DERL3: variants seen among roughly 807,000 people sequenced by gnomAD.
DERL3 encodes derlin-3.
In DERL3, 20 loss-of-function variants were observed where a neutral mutation model predicts 23.8. That is an observed-to-expected ratio of 0.84 (90% CI 0.59 to 1.22). The LOEUF (loss-of-function observed/expected upper bound fraction) is 1.22, where lower values mean the gene tolerates loss of function less well. Among genes scored for constraint, DERL3 ranks in the 50% most tolerant of loss-of-function variants. DERL3 has a pLI of 0.00. For synonymous variants in DERL3, 145 were observed against 132.5 expected (o/e 1.09, Z -0.65); for missense variants, 319 against 304.1 (o/e 1.05, Z -0.36).
In DERL3 at chr22:23,837,143, C is replaced by T; in HGVS notation, c.535G>A (p.Gly179Ser). Reference protein sequence around the residue: ...ILVDLLGIAVGHIYYFLEDVF... With the variant: ...ILVDLLGIAVSHIYYFLEDVF... ...TCCTCCAGGAAGTAGTAGATATGGC[C>T]CACCGCAATCCCTGTGAGACAGCCA... is the stretch of plus-strand genomic sequence containing the variant. Residue 179 changes from glycine to serine, a missense_variant, in exon 6 of 7, where the codon GGC (glycine) becomes AGC (serine). Coordinates refer to ENST00000318109, the MANE Select transcript of DERL3 (RefSeq NM_001002862.3). The T allele has an allele frequency of 6.2e-7, 1 of 1,613,932 alleles. No homozygotes were observed. Among genetic ancestry groups the T allele is most frequent in the Non-Finnish European group, 8.5e-7 (1 of 1,179,918 alleles).
chr22:23,834,679 G>T lies in DERL3; in HGVS notation c.*2190C>A, dbSNP rs2030892864. ...AAGTGGGCAGGTGGGGGTGAATGGG[G>T]CTCCGGGTAGCACCTCAGCTCCTCT... On this transcript the variant is annotated 3_prime_UTR_variant, in exon 7 of 7. Transcript: ENST00000318109. 2 of 1,171,550 alleles carry T rather than the reference G, an allele frequency of 1.7e-6. No individual in the cohort carries two copies. Among genetic ancestry groups the T allele is most frequent in the Non-Finnish European group, 2.4e-6 (2 of 844,494 alleles). 72.6% of individuals were successfully genotyped at this position (1,171,550 alleles called of 1,614,324 possible). A position where few individuals can be genotyped will look rare whatever the true frequency, so the allele number is the denominator to read the frequency against.
chr22:23,837,540 G>A (rs2031175646), intron 5 of DERL3, 119 bp downstream of exon 5: 11 of 1,075,748 alleles, frequency 1.0e-5, no homozygotes, highest in Non-Finnish European at 1.5e-5. Flanking sequence ...GGAAGATGGG[G>A]ATGGAGCCAG....
Position 23,835,291 on chromosome 22 carries a change from C to T in DERL3, c.*1578G>A, listed in dbSNP as rs542732708. ...AGGATCTGGGAGGGCAGCAAACTGG[C>T]TCGCAGCTCCAGCCTTACTGAAGAG... On this transcript the variant is annotated 3_prime_UTR_variant, in exon 7 of 7. Coordinates refer to ENST00000318109, the MANE Select transcript of DERL3 (RefSeq NM_001002862.3). 507 of 1,055,554 alleles carry T rather than the reference C, an allele frequency of 4.8e-4. 5 individuals are homozygous for T. In the African/African-American group the frequency reaches 7.8e-3, roughly 16 times the overall value. The allele number at this position is 1,055,554 out of a possible 1,614,324, so 65.4% of individuals were successfully genotyped here.
rs1220530907 is a variant in DERL3, at chr22:23,837,999, A to G, written c.328-145T>C. 6 of 1,242,086 alleles carry G rather than the reference A, an allele frequency of 4.8e-6. No individual in the cohort carries two copies. In the East Asian group the frequency reaches 7.7e-5, roughly 16 times the overall value. 76.9% of individuals were successfully genotyped at this position (1,242,086 alleles called of 1,614,324 possible). ...TGAGCCAGTCCAATAAAGGCGACACACTCCACGGGCTTCAGGTCCCACGAA... is the reference window on the plus strand; with the variant it reads ...TGAGCCAGTCCAATAAAGGCGACACGCTCCACGGGCTTCAGGTCCCACGAA... On this transcript the variant is annotated intron_variant, in intron 4 of 6. Coordinates refer to ENST00000318109, the MANE Select transcript of DERL3 (RefSeq NM_001002862.3).
intron 1 of DERL3, 27 bp downstream of exon 1, chr22:23,838,868 C>A: frequency 6.4e-7 from 1 of 1,551,234 alleles, no homozygotes; most frequent in Non-Finnish European, 8.7e-7. Flanking sequence ...GTAACCAAGG[C>A]GACGTCCGGT....
At chr22:23,838,110 G>C (rs2031250090) in intron 4 of DERL3, 1 of 1,512,526 alleles carries the variant, frequency 6.6e-7, no homozygotes, top group Non-Finnish European at 8.8e-7. Flanking sequence ...TCGCATTCAG[G>C]GCTCAGCTAG....
Position 23,835,510 on chromosome 22 carries a change from A to G in DERL3, c.*1359T>C, listed in dbSNP as rs28679281. On this transcript the variant is annotated 3_prime_UTR_variant, in exon 7 of 7. Coordinates refer to ENST00000318109, the MANE Select transcript of DERL3 (RefSeq NM_001002862.3). ...TTCTTGGTCGCTGAGATGTGAGAGG[A>G]GGGCTCCTTTGAGCACATGTTAGCA... 0.12 allele frequency: 118,395 copies of G among 985,368 alleles called. 7,415 individuals are homozygous for G. Among genetic ancestry groups the G allele is most frequent in the South Asian group, 0.27 (5,753 of 21,250 alleles). The allele number at this position is 985,368 out of a possible 1,614,324, so 61.0% of individuals were successfully genotyped here.
intron 5 of DERL3, chr22:23,837,357 G>C (rs2031151807): frequency 7.0e-6 from 5 of 714,450 alleles, no homozygotes; most frequent in Non-Finnish European, 1.2e-5. Flanking sequence ...AGGACCCAGG[G>C]AGGGGAGGGC....
chr22:23,838,723 G>T lies in DERL3; in HGVS notation c.147C>A (p.Phe49Leu). The change falls in exon 2 of 7, where the codon TTC (phenylalanine) becomes TTA (leucine). Residue 49 changes from phenylalanine (F) to leucine (L), a missense_variant. Phe to Leu is a conservative substitution (Grantham distance 22, BLOSUM62 0). Transcript: ENST00000318109. ...FQLYFNPHLV[F>L]RKFQVWRLVT... ...GGGGCGGCCTCACCTGGAACTTCCG[G>T]AACACAAGGTGCGGGTTGAAGTAGA... is the stretch of plus-strand genomic sequence containing the variant. 6 of 1,550,808 alleles carry T rather than the reference G, an allele frequency of 3.9e-6. No individual in the cohort carries two copies. The highest frequency in any genetic ancestry group is 5.2e-6 in the Non-Finnish European group (6 of 1,146,696).
At position 23,836,549 on chromosome 22, in the gene DERL3, TCTGCCTGGCAACCTGTGAGCTCAAAG is replaced by T; in HGVS notation, c.*294_*319del. On this transcript the variant is annotated 3_prime_UTR_variant, in exon 7 of 7. Transcript: ENST00000318109. ...GCCTGTCACCTGTGAGCTCAAAAGCTCTGCCTGGCAACCTGTGAGCTCAAAGCTCTGCCAGGCAACCATGGGCAGTT... is the reference window on the plus strand; with the variant it reads ...GCCTGTCACCTGTGAGCTCAAAAGCTCTCTGCCAGGCAACCATGGGCAGTT... 2 of 1,072,642 alleles carry T rather than the reference TCTGCCTGGCAACCTGTGAGCTCAAAG, an allele frequency of 1.9e-6. No individual in the cohort carries two copies. Among genetic ancestry groups the T allele is most frequent in the Admixed American group, 5.4e-5 (1 of 18,498 alleles). 66.4% of individuals were successfully genotyped at this position (1,072,642 alleles called of 1,614,324 possible).
At position 23,838,879 on chromosome 22, in the gene DERL3, C is replaced by T; in HGVS notation, c.93+16G>A. 1 of 1,554,214 alleles carries T rather than the reference C, an allele frequency of 6.4e-7. No homozygotes were observed. Among genetic ancestry groups the T allele is most frequent in the Non-Finnish European group, 8.7e-7 (1 of 1,148,634 alleles). On this transcript the variant is annotated intron_variant, in intron 1 of 6. Coordinates refer to ENST00000318109, the MANE Select transcript of DERL3 (RefSeq NM_001002862.3). ...GGCTGTAACCAAGGCGACGTCCGGTCCGCCCGGCCGCTTACCACCGCGGCG... is the reference window on the plus strand; with the variant it reads ...GGCTGTAACCAAGGCGACGTCCGGTTCGCCCGGCCGCTTACCACCGCGGCG...
At chr22:23,838,001 TC>T in intron 4 of DERL3, 147 bp from the exon 5 acceptor site, 1 of 1,245,246 alleles carries the variant, frequency 8.0e-7, no homozygotes, top group Non-Finnish European at 1.1e-6. Flanking sequence ...GGCGACACAC[TC>T]CACGGGCTTC....
chr22:23,837,985 A>G (rs2031238007), intron 4 of DERL3, 131 bp from the exon 5 acceptor site: 12 of 1,244,436 alleles, frequency 9.6e-6, no homozygotes, highest in Middle Eastern at 2.6e-4. Context: ...GAGCCAGTCC[A>G]ATAAAGGCGA....
Position 23,835,459 on chromosome 22 carries a change from G to A in DERL3, c.*1410C>T, listed in dbSNP as rs1601450848. The A allele has an allele frequency of 1.0e-6, 1 of 986,022 alleles. No homozygotes were observed. The highest frequency in any genetic ancestry group is 1.2e-6 in the Non-Finnish European group (1 of 830,370). 61.1% of individuals were successfully genotyped at this position (986,022 alleles called of 1,614,324 possible). A position where few individuals can be genotyped will look rare whatever the true frequency, so the allele number is the denominator to read the frequency against. On this transcript the variant is annotated 3_prime_UTR_variant, in exon 7 of 7. Coordinates refer to ENST00000318109, the MANE Select transcript of DERL3 (RefSeq NM_001002862.3). ...GGGGTAGGGCCCCATGTGGGGCAGA[G>A]GCAGAGCTCTGATTAGGGATTGGGG...
chr22:23,837,327 T>A, intron 5 of DERL3, 173 bp from the exon 6 acceptor site: 1 of 849,890 alleles, frequency 1.2e-6, no homozygotes. Context: ...AGGACAAGCT[T>A]AAAAGGCCCA....
rs1243962275 is a variant in DERL3 at position 23,834,594 on chromosome 22, G to A, written c.*2275C>T. ...GAGTGGGGCCGGGGCCTGGGGGGACGAAGGTGGTATGTGAACAAGGTTGGC... is the reference window on the plus strand; with the variant it reads ...GAGTGGGGCCGGGGCCTGGGGGGACAAAGGTGGTATGTGAACAAGGTTGGC... On this transcript the variant is annotated 3_prime_UTR_variant, in exon 7 of 7. Coordinates refer to ENST00000318109, the MANE Select transcript of DERL3 (RefSeq NM_001002862.3). The A allele has an allele frequency of 8.1e-5, 58 of 715,360 alleles. No homozygotes were observed. The highest frequency in any genetic ancestry group is 3.2e-4 in the South Asian group (21 of 65,984). The allele number at this position is 715,360 out of a possible 1,614,324, so 44.3% of individuals were successfully genotyped here.
chr22:23,838,683 A>T, intron 2 of DERL3, 28 bp downstream of exon 2: 1 of 1,547,352 alleles, frequency 6.5e-7, no homozygotes, highest in Non-Finnish European at 8.7e-7. Context: ...GGTCGGGCCC[A>T]CAGGTGCGCG....
At chr22:23,838,095 GC>G in intron 4 of DERL3, 1 of 1,496,238 alleles carries the variant, frequency 6.7e-7, no homozygotes, top group East Asian at 2.5e-5. Context: ...GTTTCTCCCG[GC>G]TACTCGCATT....
In DERL3 at chr22:23,836,599, TTTC is replaced by T; in HGVS notation, c.*267_*269del. The T allele has an allele frequency of 8.5e-7, 1 of 1,182,028 alleles. No homozygotes were observed. Among genetic ancestry groups the T allele is most frequent in the South Asian group, 4.1e-5 (1 of 24,226 alleles). The allele number at this position is 1,182,028 out of a possible 1,614,324, so 73.2% of individuals were successfully genotyped here. Reference sequence around the variant, plus strand: ...AGCTCTGCCAGGCAACCATGGGCAGTTTCTTTGCCCTCTGTGGGCACCCCTATC... The same window carrying T: ...AGCTCTGCCAGGCAACCATGGGCAGTTTTGCCCTCTGTGGGCACCCCTATC... On this transcript the variant is annotated 3_prime_UTR_variant, in exon 7 of 7. Transcript: ENST00000318109.
Sources: gnomAD v4.1 joint callset for allele counts on GRCh38, gnomAD v4.1.1 for gene constraint, MANE v1.5 for transcripts, NCBI Gene and HGNC (gene_info 2026-07-23, HGNC 2026-07-21) for gene names.